CEACAM18: variants seen among roughly 807,000 people sequenced by gnomAD.
CEACAM18 encodes CEA cell adhesion molecule 18.
CEACAM18 carries 33 observed loss-of-function variants against 34.3 expected under a neutral mutation model. The observed-to-expected ratio is 0.96, with a 90% CI of 0.73 to 1.29. The LOEUF is 1.29. Among genes scored for constraint, CEACAM18 ranks in the 50% most tolerant of loss-of-function variants. The probability of loss-of-function intolerance (pLI) is 0.00; values close to 1 mark genes in which losing one functional copy is unlikely to be tolerated. For synonymous variants in CEACAM18, 169 were observed against 180.9 expected (o/e 0.93, Z 0.53); for missense variants, 474 against 485.0 (o/e 0.98, Z 0.21).
chr19:51,484,306 A>G (rs1989965224), intron 4 of CEACAM18, among the ~76,000 whole-genome samples: 2 of 149,476 alleles, frequency 1.3e-5, no homozygotes, highest in Admixed American at 1.3e-4. Flanking sequence ...AGGAGGGCAG[A>G]AGCTGGGGAA....
At chr19:51,485,789 G>A (rs565921474) in intron 5 of CEACAM18, among the ~76,000 whole-genome samples, 5 of 152,226 alleles carry the variant, frequency 3.3e-5, no homozygotes, top group Non-Finnish European at 7.3e-5. Context: ...TGGGGAAGAG[G>A]AGGTAGTAAG....
chr19:51,480,799 A>C, intron 2 of CEACAM18, 119 bp downstream of exon 2: 1 of 936,304 alleles, frequency 1.1e-6, no homozygotes, highest in Non-Finnish European at 1.6e-6. Context: ...CCGCCCTGGA[A>C]TCTTGTGTAC....
exon 5 of CEACAM18, chr19:51,485,070 G>A (rs1233567788): frequency 1.4e-5 from 22 of 1,535,308 alleles, no homozygotes; most frequent in Middle Eastern, 1.7e-4. Context: ...GCTGGGTGGC[G>A]TTTACATCTG....
chr19:51,487,732 G>A (rs568991297), intron 5 of CEACAM18, among the ~76,000 whole-genome samples: 9 of 151,922 alleles, frequency 5.9e-5, no homozygotes, highest in South Asian at 2.1e-4. Context: ...GCAGTGAGTC[G>A]AGATCACACC....
At chr19:51,490,949 C>T in exon 6 of CEACAM18, 2 of 273,644 alleles carry the variant, frequency 7.3e-6, no homozygotes, top group Non-Finnish European at 1.4e-5. Context: ...TCCCTCAGCT[C>T]CGGCGCTTCC....
upstream of CEACAM18, chr19:51,478,598 G>A (rs1257699161): frequency 2.0e-6 from 3 of 1,537,260 alleles, no homozygotes; most frequent in Non-Finnish European, 2.7e-6. Context: ...GGAGGTGGCT[G>A]TGTCTCTGGA....
In CEACAM18 at chr19:51,480,410, C is replaced by A. The variant is rs186832952; in HGVS notation, c.130C>A (p.Arg44=). Residue 44 remains arginine, a synonymous_variant, in exon 2 of 6, where the codon CGG becomes AGG. Coordinates refer to ENST00000396477, the Ensembl canonical transcript of CEACAM18. ...CCAAACCCTGGGGATCAAGGGATAT[C>A]GGACTGTCGTGGCCCTGGATAAGGT... 7.1e-5 allele frequency: 114 copies of A among 1,613,116 alleles called. No individual in the cohort carries two copies. In the East Asian group the frequency reaches 1.5e-3, roughly 21 times the overall value.
At chr19:51,486,892 G>GT (rs564607266) in intron 5 of CEACAM18, among the ~76,000 whole-genome samples, 443 of 140,512 alleles carry the variant, frequency 3.2e-3, no homozygotes, top group African/African-American at 7.5e-3. Flanking sequence ...TAATTTTTTT[G>GT]TTTTTTTTTT....
chr19:51,481,646 C>A (rs749705792), exon 3 of CEACAM18: 2 of 1,612,966 alleles, frequency 1.2e-6, no homozygotes, highest in East Asian at 4.5e-5. Context: ...GAAGTGAACG[C>A]ATCTCTCTGA....
At chr19:51,483,147 C>CCAGGTT in exon 4 of CEACAM18, 1 of 1,614,034 alleles carries the variant, frequency 6.2e-7, no homozygotes, top group East Asian at 2.2e-5. Flanking sequence ...ACCACTGGAT[C>CCAGGTT]CACAATGGCT....
intron 5 of CEACAM18, among the ~76,000 whole-genome samples, chr19:51,487,886 TTAAA>T (rs755120067): frequency 7.2e-5 from 11 of 152,198 alleles, no homozygotes; most frequent in Non-Finnish European, 1.2e-4. Context: ...TGAATTAAAA[TTAAA>T]TAAGTAAAAA....
downstream of CEACAM18, among the ~76,000 whole-genome samples, chr19:51,491,171 T>C (rs1332628811): frequency 6.6e-6 from 1 of 151,934 alleles, no homozygotes; most frequent in Non-Finnish European, 1.5e-5. Context: ...CGTGGAACCA[T>C]CGTCAGCATG....
chr19:51,478,827 G>C, intron 1 of CEACAM18, 133 bp downstream of exon 1: 1 of 609,174 alleles, frequency 1.6e-6, no homozygotes, highest in Non-Finnish European at 2.5e-6. Flanking sequence ...AGGGGTCGGG[G>C]AGAGGAGAAG....
exon 3 of CEACAM18, chr19:51,481,526 T>G: frequency 6.2e-7 from 1 of 1,614,032 alleles, no homozygotes. Context: ...CCTCTAGTAG[T>G]GACCGGATGA....
At chr19:51,480,830 T>A (rs1178838263) in intron 2 of CEACAM18, 150 bp downstream of exon 2, 3 of 728,194 alleles carry the variant, frequency 4.1e-6, no homozygotes, top group Non-Finnish European at 6.7e-6. Flanking sequence ...TCCTGGGGGA[T>A]CTGAGGGCTA....
In CEACAM18 at chr19:51,485,002, T is replaced by A; in HGVS notation, c.969T>A (p.Cys323Ter). 6.5e-7 allele frequency: 1 copy of A among 1,536,156 alleles called. No individual in the cohort carries two copies. Among genetic ancestry groups the A allele is most frequent in the Non-Finnish European group, 8.7e-7 (1 of 1,146,906 alleles). Reference sequence around the variant, plus strand: ...CTTCCTTCAGGGATCTTACCTGTTGTCCACAGAGATTTCTCCATCTCAGGA... The same window carrying A: ...CTTCCTTCAGGGATCTTACCTGTTGACCACAGAGATTTCTCCATCTCAGGA... Residue 323 changes from cysteine (C) to a stop codon, truncating the protein, a stop_gained, in exon 5 of 6, where the codon TGT becomes TGA. Transcript: ENST00000396477. LOFTEE classifies it high-confidence loss of function.
chr19:51,480,531 C>A, exon 2 of CEACAM18: 1 of 1,613,998 alleles, frequency 6.2e-7, no homozygotes, highest in South Asian at 1.1e-5. Flanking sequence ...GCCCAGCAGC[C>A]TGGGCCCATG....
intron 5 of CEACAM18, among the ~76,000 whole-genome samples, 195 bp from the exon 6 acceptor site, chr19:51,490,392 A>T (rs183583956): frequency 4.7e-4 from 72 of 152,084 alleles, no homozygotes; most frequent in African/African-American, 1.6e-3. Context: ...GGAAATCTTT[A>T]AAAGTATGGA....
At chr19:51,482,768 T>C (rs548026409) in intron 3 of CEACAM18, among the ~76,000 whole-genome samples, 3 of 152,244 alleles carry the variant, frequency 2.0e-5, no homozygotes, top group Non-Finnish European at 4.4e-5. Context: ...GTAGGCCCCA[T>C]GTGTTGGCTT....
Sources: allele counts gnomAD v4.1 joint callset (sites outside exome capture counted in the v4.1 genomes callset), GRCh38; gene constraint gnomAD v4.1.1; transcripts MANE v1.5; gene names NCBI Gene and HGNC (gene_info 2026-07-23, HGNC 2026-07-21).